Variants in PPL observed in about 807,000 individuals in gnomAD.
PPL encodes the protein 190 kDa paraneoplastic pemphigus antigen.
In PPL, 198 loss-of-function variants were observed where a neutral mutation model predicts 194.4. That is an observed-to-expected ratio of 1.02 (90% confidence interval 0.91 to 1.15). The LOEUF (loss-of-function observed/expected upper bound fraction) is 1.15. PPL is among the 50% of genes most tolerant of loss of function. The pLI, the probability that PPL is intolerant of heterozygous loss-of-function variation, is 0.00. For missense variants in PPL, 2,885 were observed against 2,294.8 expected, an observed-to-expected ratio of 1.26 and a Z score of -5.25; for synonymous variants, 1,220 against 972.4, an observed-to-expected ratio of 1.25 and a Z score of -4.74.
intron 16 of PPL, among the ~76,000 whole-genome samples, 171 bp from the exon 17 acceptor site, chr16:4,891,092 C>T (rs143816854): frequency 4.6e-5 from 7 of 152,362 alleles, no homozygotes; most frequent in Middle Eastern, 3.4e-3. Context: ...CTTCTGCCAT[C>T]TTCTGTTTTT....
intron 12 of PPL, 25 bp downstream of exon 12, chr16:4,894,442 C>G (rs376256435): frequency 9.3e-6 from 15 of 1,612,066 alleles, no homozygotes; most frequent in African/African-American, 1.3e-5. Flanking sequence ...CTGGTCCATG[C>G]AGACTCCCGC....
chr16:4,893,475 A>T (rs2088359321), intron 13 of PPL, 66 bp downstream of exon 13: 1 of 1,598,476 alleles, frequency 6.3e-7, no homozygotes, highest in Non-Finnish European at 8.5e-7. Context: ...TCCACAGCAC[A>T]GACCCTGGTC....
rs1179795813 is a variant in PPL at position 4,897,683 on chromosome 16, A to G, written c.964T>C (p.Tyr322His). Reference protein sequence around the residue: ...EESHLKYMEDYHQFHEDVKDA... With the variant: ...EESHLKYMEDHHQFHEDVKDA... Reference sequence around the variant, plus strand: ...CCAGGAAAGGTAAGTACCTGGTGGTAGTCCTCCATGTACTTGAGGTGGCTC... The same window carrying G: ...CCAGGAAAGGTAAGTACCTGGTGGTGGTCCTCCATGTACTTGAGGTGGCTC... The change falls in exon 9 of 22, where the codon TAC (tyrosine) becomes CAC (histidine). Residue 322 changes from tyrosine to histidine, a missense_variant. Coordinates refer to ENST00000345988, the MANE Select transcript of PPL (RefSeq NM_002705.5). 1.2e-6 allele frequency: 2 copies of G among 1,612,656 alleles called. No homozygotes were observed. The highest frequency in any genetic ancestry group is 1.1e-5 in the South Asian group (1 of 91,020).
intron 3 of PPL, among the ~76,000 whole-genome samples, chr16:4,903,664 G>C (rs1369904339): frequency 6.6e-6 from 1 of 151,602 alleles, no homozygotes; most frequent in Non-Finnish European, 1.5e-5. Flanking sequence ...AGATTGCGCT[G>C]AGCCAAGATC....
In PPL at chr16:4,903,904, C is replaced by T. The variant is rs1400681338; in HGVS notation, c.299G>A (p.Gly100Glu). Residue 100 changes from glycine to glutamate, a missense_variant, in exon 3 of 22, where the codon GGG becomes GAG. Physicochemically the swap from Gly to Glu is moderately conservative, Grantham distance 98. Transcript: ENST00000345988. ...GACCTACTCCTCGGCGATCATGTCCCCCTGTGGGTGCTTCATGTGCTTGGC... is the reference window on the plus strand; with the variant it reads ...GACCTACTCCTCGGCGATCATGTCCTCCTGTGGGTGCTTCATGTGCTTGGC... ...AIAKHMKHPQGDMIAEDIRQL... is the reference protein window; with the variant it reads ...AIAKHMKHPQEDMIAEDIRQL... 6.2e-7 allele frequency: 1 copy of T among 1,614,098 alleles called. No homozygotes were observed. Among genetic ancestry groups the T allele is most frequent in the East Asian group, 2.2e-5 (1 of 44,872 alleles).
chr16:4,885,561 G>C lies in PPL; in HGVS notation c.3094C>G (p.Leu1032Val). The change falls in exon 22 of 22, where the codon CTC becomes GTC. Residue 1032 changes from leucine to valine, a missense_variant. By Grantham distance (32) the Leu-to-Val change is conservative. Coordinates refer to ENST00000345988, the MANE Select transcript of PPL (RefSeq NM_002705.5). This position sits in a 1 kb window ranked among gnomAD's most constrained non-coding sequence, Gnocchi z 6.3. ...GCGGCCACACGCTGCTGCAGGAGGA[G>C]CACCTCTGCCTCCCGGGCGCCCTTC... ...RQKGAREAEV[L>V]LLQQRVAALA... is the part of the protein sequence containing the mutation. The C allele has an allele frequency of 6.2e-7, 1 of 1,610,652 alleles. No homozygotes were observed. The highest frequency in any genetic ancestry group is 8.5e-7 in the Non-Finnish European group (1 of 1,179,862).
At chr16:4,936,303 G>A (rs2089297402) in intron 1 of PPL, among the ~76,000 whole-genome samples, 1 of 152,300 alleles carries the variant, frequency 6.6e-6, no homozygotes, top group South Asian at 2.1e-4. Context: ...CCCAGAGGGT[G>A]GGGAGGTAAG....
chr16:4,887,301 G>A (rs775202530), intron 20 of PPL, 74 bp from the exon 21 acceptor site: 23 of 1,105,662 alleles, frequency 2.1e-5, no homozygotes, highest in East Asian at 1.4e-4. Flanking sequence ...GCTAGACAGC[G>A]TGGACGTGGT....
chr16:4,902,263 G>T lies in PPL; in HGVS notation c.438+143C>A. 7.6e-7 allele frequency: 1 copy of T among 1,323,194 alleles called. No homozygotes were observed. Among genetic ancestry groups the T allele is most frequent in the Non-Finnish European group, 1.0e-6 (1 of 971,892 alleles). The allele number at this position is 1,323,194 out of a possible 1,614,324, so 82.0% of individuals were successfully genotyped here. The stretch of plus-strand genomic sequence containing the variant: ...CTTCTCTGAGCCTCACTCTTCTCAT[G>T]GGCACACTGGAAAACCATCAGGACC... On this transcript the variant is annotated intron_variant, in intron 4 of 21. Coordinates refer to ENST00000345988, the MANE Select transcript of PPL (RefSeq NM_002705.5). The surrounding 1 kb of genome is among the most constrained non-coding windows in gnomAD (Gnocchi z 4.0).
Position 4,895,373 on chromosome 16 carries a change from A to T in PPL, c.1130T>A (p.Val377Glu). ...GCCTCGCTTCTGCAGCCCCTGCACCACGTCCTCATACTTGTCCAGCACCTT... is the reference window on the plus strand; with the variant it reads ...GCCTCGCTTCTGCAGCCCCTGCACCTCGTCCTCATACTTGTCCAGCACCTT... ...QEKVLDKYED[V>E]VQGLQKRGQQ... is the part of the protein sequence containing the mutation. The change falls in exon 11 of 22, where the codon GTG becomes GAG. Residue 377 changes from valine to glutamate, a missense_variant. Transcript: ENST00000345988. The T allele has an allele frequency of 6.2e-7, 1 of 1,613,400 alleles. No homozygotes were observed. The highest frequency in any genetic ancestry group is 1.1e-5 in the South Asian group (1 of 91,078).
rs2088335721 is a variant in PPL at position 4,892,282 on chromosome 16, G to T, written c.1651-69C>A. 40 of 1,498,928 alleles carry T rather than the reference G, an allele frequency of 2.7e-5. No homozygotes were observed. The South Asian group carries it at 4.9e-4, about 18-fold the overall frequency. 92.9% of individuals were successfully genotyped at this position (1,498,928 alleles called of 1,614,324 possible). On this transcript the variant is annotated intron_variant, in intron 14 of 21. Coordinates refer to ENST00000345988, the MANE Select transcript of PPL (RefSeq NM_002705.5). ...CCCCTTCCCCTGAGGATGTGCCCAG[G>T]GTGAGCACAGATTCCCACATCAGGC...
At chr16:4,920,286 A>AAAAGAAAG (rs1301814912) in intron 1 of PPL, among the ~76,000 whole-genome samples, 11 of 113,780 alleles carry the variant, frequency 9.7e-5, no homozygotes, top group African/African-American at 3.1e-4. Flanking sequence ...CTGTCTCAAA[A>AAAAGAAAG]AAAGAAAGAA....
Position 4,885,873 on chromosome 16 carries a change from GC to G in PPL, c.2781del (p.Pro928LeufsTer6). ...QEEIWTLRNQ[G>X]PQESVVRKEV... is the part of the protein sequence containing the mutation. The stretch of plus-strand genomic sequence containing the variant: ...TCCTTCCTCACCACCGATTCCTGAG[GC>G]CCCTGATTCCTCAAGGTCCAGATTT... On this transcript the variant is annotated frameshift_variant, in exon 22 of 22. Transcript: ENST00000345988. LOFTEE classifies it high-confidence loss of function. This position sits in a 1 kb window ranked among gnomAD's most constrained non-coding sequence, Gnocchi z 6.3. 2 of 1,608,920 alleles carry G rather than the reference GC, an allele frequency of 1.2e-6. No individual in the cohort carries two copies. Among genetic ancestry groups the G allele is most frequent in the Non-Finnish European group, 1.7e-6 (2 of 1,179,980 alleles).
Position 4,897,761 on chromosome 16 carries a change from C to T in PPL, c.886G>A (p.Glu296Lys), listed in dbSNP as rs759039516. 1 of 1,613,474 alleles carries T rather than the reference C, an allele frequency of 6.2e-7. No homozygotes were observed. Among genetic ancestry groups the T allele is most frequent in the Non-Finnish European group, 8.5e-7 (1 of 1,179,692 alleles). ...PGRNSIEAHM[E>K]AVHADWKEYL... ...TCCTTCCAGTCTGCGTGCACAGCCT[C>T]CATGTGCGCCTGCCAGGAAGAGAAG... Residue 296 changes from glutamate (E) to lysine (K), a missense_variant, in exon 9 of 22, where the codon GAG becomes AAG. Glu to Lys is a moderately conservative substitution (Grantham distance 56, BLOSUM62 1). Coordinates refer to ENST00000345988, the MANE Select transcript of PPL (RefSeq NM_002705.5).
At position 4,884,203 on chromosome 16, in the gene PPL, C is replaced by G; in HGVS notation, c.4452G>C (p.Arg1484=). 1.2e-6 allele frequency: 2 copies of G among 1,614,006 alleles called. No individual in the cohort carries two copies. Among genetic ancestry groups the G allele is most frequent in the Middle Eastern group, 1.6e-4 (1 of 6,062 alleles). Residue 1484 remains arginine (R), a synonymous_variant, in exon 22 of 22, where the codon CGG becomes CGC. Coordinates refer to ENST00000345988, the MANE Select transcript of PPL (RefSeq NM_002705.5). The surrounding 1 kb of genome is among the most constrained non-coding windows in gnomAD (Gnocchi z 5.7). ...CCTTCTCCAGTGCAGCCAGTTTCCT[C>G]CGGAGGGTCTCGAGCTCCCCCTCCA... The part of the protein sequence containing the change: ...QLLEGELETL[R]RKLAALEKAE...
intron 1 of PPL, among the ~76,000 whole-genome samples, chr16:4,932,022 C>T (rs1454932541): frequency 6.6e-6 from 1 of 152,194 alleles, no homozygotes; most frequent in Non-Finnish European, 1.5e-5. Flanking sequence ...AATGACTCTA[C>T]CATTTGGCCT....
chr16:4,922,346 G>C (rs576679628), intron 1 of PPL, among the ~76,000 whole-genome samples: 16 of 152,136 alleles, frequency 1.1e-4, no homozygotes, highest in Admixed American at 3.9e-4. Context: ...AGGGATTTAG[G>C]CTCCTTTTAA....
At chr16:4,892,333 G>C (rs1353509419) in intron 14 of PPL, 120 bp from the exon 15 acceptor site, 7 of 1,110,676 alleles carry the variant, frequency 6.3e-6, no homozygotes, top group African/African-American at 3.1e-5. Flanking sequence ...GGAGAGGCCT[G>C]GCACATTCTG....
rs144693169 is a variant in PPL at position 4,906,730 on chromosome 16, C to T, written c.163-2690G>A. ...AGGCTAGTGTTCGAAAGTTCAAAGT[C>T]GGGCAGAACTGATCGATGGTGAGAG... On this transcript the variant is annotated intron_variant, in intron 2 of 21. Transcript: ENST00000345988. Among the ~76,000 whole-genome samples the T allele has an allele frequency of 1.1e-4, 16 of 152,288 alleles. No homozygotes were observed. In the East Asian group the frequency reaches 2.5e-3, roughly 24 times the overall value.
Sources: gnomAD v4.1 joint callset for allele counts (sites outside exome capture counted in the v4.1 genomes callset) on GRCh38, gnomAD v4.1.1 for gene constraint, Gnocchi (gnomAD v3.1) non-coding constraint, MANE v1.5 for transcripts, NCBI Gene and HGNC (gene_info 2026-07-23, HGNC 2026-07-21) for gene names.